GRIA2: variants seen among roughly 807,000 people sequenced by gnomAD.
GRIA2 encodes glutamate ionotropic receptor AMPA type subunit 2.
A neutral mutation model predicts 97.3 loss-of-function variants in GRIA2; 14 were observed. That is an observed-to-expected ratio of 0.14 (90% CI 0.10 to 0.23). The LOEUF (loss-of-function observed/expected upper bound fraction) is 0.23, where lower values mean the gene tolerates loss of function less well. GRIA2 is among the 10% of genes least tolerant of loss of function. The pLI, the probability that GRIA2 is intolerant of heterozygous loss-of-function variation, is 1.00. For missense variants in GRIA2, 558 were observed against 1,069.8 expected (o/e 0.52, Z 6.67); for synonymous variants, 412 against 387.8 (o/e 1.06, Z -0.73).
chr4:157,225,766 T>C (rs554154849), intron 2 of GRIA2, among the ~76,000 whole-genome samples: 71 of 152,094 alleles, frequency 4.7e-4, no homozygotes, highest in South Asian at 1.7e-3. Context: ...ATTCCAGTAG[T>C]TCTTAAACAC....
intron 2 of GRIA2, among the ~76,000 whole-genome samples, chr4:157,294,319 C>T (rs1351634085): frequency 1.3e-5 from 2 of 151,284 alleles, no homozygotes; most frequent in Non-Finnish European, 2.9e-5. Flanking sequence ...ATTATTTGGA[C>T]TGAGATGTCA....
Position 157,360,131 on chromosome 4 carries a change from G to T in GRIA2, c.2279G>T (p.Gly760Val). The T allele has an allele frequency of 1.2e-6, 2 of 1,613,742 alleles. No individual in the cohort carries two copies. The highest frequency in any genetic ancestry group is 1.7e-6 in the Non-Finnish European group (2 of 1,179,808). Residue 760 changes from glycine (G) to valine (V), a missense_variant, in exon 13 of 16, where the codon GGA (glycine) becomes GTA (valine). Transcript: ENST00000264426. Reference sequence around the variant, plus strand: ...GGCTATGGCATCGCAACACCTAAAGGATCCTCATTAAGGTGGGTGGAATAG... The same window carrying T: ...GGCTATGGCATCGCAACACCTAAAGTATCCTCATTAAGGTGGGTGGAATAG... Reference protein sequence around the residue: ...SKGYGIATPKGSSLRNAVNLA... With the variant: ...SKGYGIATPKVSSLRNAVNLA...
chr4:157,331,543 A>AT (rs1213640457), intron 6 of GRIA2, among the ~76,000 whole-genome samples: 10 of 152,086 alleles, frequency 6.6e-5, no homozygotes, highest in East Asian at 1.9e-4. Flanking sequence ...AAATTAATCA[A>AT]TTTTTTTCCT....
intron 2 of GRIA2, among the ~76,000 whole-genome samples, chr4:157,279,929 A>C (rs1390380011): frequency 6.6e-6 from 1 of 152,162 alleles, no homozygotes; most frequent in East Asian, 1.9e-4. Flanking sequence ...GTTCAAGACC[A>C]GCCTGACCAA....
At chr4:157,341,484 T>G (rs754481251) in intron 12 of GRIA2, 22 bp downstream of exon 12, 1 of 1,504,056 alleles carries the variant, frequency 6.6e-7, no homozygotes, top group South Asian at 1.1e-5. Flanking sequence ...TGCTTTGTAG[T>G]TTCTGATTTT....
chr4:157,345,734 C>T (rs185383039), intron 12 of GRIA2, among the ~76,000 whole-genome samples: 2 of 152,244 alleles, frequency 1.3e-5, no homozygotes, highest in East Asian at 3.9e-4. Flanking sequence ...CTGTCTCCCA[C>T]ACTGCAATCT....
At chr4:157,248,917 A>G (rs908634309) in intron 2 of GRIA2, among the ~76,000 whole-genome samples, 1 of 151,102 alleles carries the variant, frequency 6.6e-6, no homozygotes, top group African/African-American at 2.4e-5. Flanking sequence ...GGCTCACTGT[A>G]ACTTTAACCT....
intron 2 of GRIA2, among the ~76,000 whole-genome samples, chr4:157,243,888 T>C (rs1387025073): frequency 6.6e-6 from 1 of 151,702 alleles, no homozygotes; most frequent in African/African-American, 2.4e-5. Context: ...TGGACGCTCA[T>C]GGAGCCTATG....
At chr4:157,279,980 C>A (rs1260275744) in intron 2 of GRIA2, among the ~76,000 whole-genome samples, 1 of 152,000 alleles carries the variant, frequency 6.6e-6, no homozygotes, top group East Asian at 1.9e-4. Flanking sequence ...CAAAAATCAG[C>A]CGGGCATGGT....
At chr4:157,236,009 A>T (rs1346193736) in intron 2 of GRIA2, among the ~76,000 whole-genome samples, 1 of 152,024 alleles carries the variant, frequency 6.6e-6, no homozygotes, top group Admixed American at 6.6e-5. Context: ...GATTTTATAT[A>T]ATTTAAACCT....
intron 2 of GRIA2, among the ~76,000 whole-genome samples, chr4:157,298,562 T>C (rs1733461503): frequency 6.7e-6 from 1 of 150,324 alleles, no homozygotes; most frequent in Non-Finnish European, 1.5e-5. Context: ...TTTAGAAGTT[T>C]CCATATAATG....
intron 2 of GRIA2, among the ~76,000 whole-genome samples, chr4:157,235,544 A>T (rs1460089804): frequency 6.6e-6 from 1 of 152,062 alleles, no homozygotes; most frequent in Non-Finnish European, 1.5e-5. Context: ...TAAAGAAAAC[A>T]TAAAAAAGAT....
In GRIA2 at chr4:157,361,107, G is replaced by T; in HGVS notation, c.2389G>T (p.Gly797Trp). 1 of 1,611,750 alleles carries T rather than the reference G, an allele frequency of 6.2e-7. No homozygotes were observed. The highest frequency in any genetic ancestry group is 8.5e-7 in the Non-Finnish European group (1 of 1,178,018). The change falls in exon 14 of 16, where the codon GGG becomes TGG. Residue 797 changes from glycine to tryptophan, a missense_variant. By Grantham distance (184) the Gly-to-Trp change is radical. Around this residue, in one of 8 missense-constraint regions of GRIA2, gnomAD observed 125 missense variants for 310.2 expected, o/e 0.40. Coordinates refer to ENST00000264426, the MANE Select transcript of GRIA2 (RefSeq NM_001083619.3). The surrounding 1 kb of genome is among the most constrained non-coding windows in gnomAD (Gnocchi z 5.2). ...GTACGACAAAGGAGAGTGCGGCAGCGGGGGAGGTGATTCCAAGGTCAGCCC... is the reference window on the plus strand; with the variant it reads ...GTACGACAAAGGAGAGTGCGGCAGCTGGGGAGGTGATTCCAAGGTCAGCCC... ...WWYDKGECGS[G>W]GGDSKEKTSA...
rs554773731 is a variant in GRIA2, at chr4:157,308,102, C to A, written c.469+4311C>A. On this transcript the variant is annotated intron_variant, in intron 3 of 15. Transcript: ENST00000264426. ...GGCAGTAATCATTTTTAATTTAACC[C>A]TTTAACGTGCAAACTGACAGACTTC... Among the ~76,000 whole-genome samples the A allele has an allele frequency of 4.6e-5, 7 of 152,258 alleles. No individual in the cohort carries two copies. The East Asian group carries it at 1.4e-3, about 29-fold the overall frequency.
intron 5 of GRIA2, among the ~76,000 whole-genome samples, chr4:157,321,157 A>G (rs1734547155): frequency 6.6e-6 from 1 of 152,136 alleles, no homozygotes; most frequent in South Asian, 2.1e-4. Flanking sequence ...AGATTTCTCA[A>G]TAGAGTGGAG....
chr4:157,251,137 C>G (rs1466309200), intron 2 of GRIA2, among the ~76,000 whole-genome samples: 1 of 151,974 alleles, frequency 6.6e-6, no homozygotes, highest in Admixed American at 6.6e-5. Flanking sequence ...ATTTCATTGT[C>G]ATTTTAAATG....
At chr4:157,327,123 C>T (rs1260655490) in intron 6 of GRIA2, among the ~76,000 whole-genome samples, 21 of 151,994 alleles carry the variant, frequency 1.4e-4, no homozygotes, top group Admixed American at 1.4e-3. Context: ...GATATAAATT[C>T]AGTCAAGAGA....
At chr4:157,280,561 T>A (rs1424744887) in intron 2 of GRIA2, among the ~76,000 whole-genome samples, 1 of 152,112 alleles carries the variant, frequency 6.6e-6, no homozygotes, top group Admixed American at 6.6e-5. Flanking sequence ...GTTTCTTAGG[T>A]TCACTTAGGG....
intron 2 of GRIA2, among the ~76,000 whole-genome samples, chr4:157,242,682 G>A (rs906999484): frequency 1.3e-5 from 2 of 152,010 alleles, no homozygotes; most frequent in African/African-American, 4.8e-5. Flanking sequence ...CTGAACCATT[G>A]CTCCTAGGGG....
Sources: allele counts gnomAD v4.1 joint callset (sites outside exome capture counted in the v4.1 genomes callset), GRCh38; gene constraint gnomAD v4.1.1; regional missense constraint gnomAD v4.1.1; non-coding constraint Gnocchi (gnomAD v3.1); transcripts MANE v1.5; gene names NCBI Gene and HGNC (gene_info 2026-07-23, HGNC 2026-07-21).